The following MYO9A variants were observed in gnomAD, a reference collection of about 807,000 sequenced individuals.
The protein encoded by MYO9A is myosin IXA, also known as unconventional myosin-IXa.
A neutral mutation model predicts 293.3 loss-of-function variants in MYO9A; 103 were observed. The observed-to-expected ratio is 0.35, with a 90% CI of 0.30 to 0.41. The LOEUF (loss-of-function observed/expected upper bound fraction) is 0.41, where lower values mean the gene tolerates loss of function less well. Ranked by LOEUF, MYO9A falls within the 10% of genes least tolerant of loss-of-function variation. The probability of loss-of-function intolerance (pLI) is 1.00; values close to 1 mark genes in which losing one functional copy is unlikely to be tolerated. For synonymous variants in MYO9A, 1,001 were observed against 1,035.7 expected, an observed-to-expected ratio of 0.97 and a Z score of 0.64; for missense variants, 2,685 against 3,033.0, an observed-to-expected ratio of 0.89 and a Z score of 2.69.
chr15:71,847,536 GAGA>G (rs2055440735), intron 39 of MYO9A: 9 of 413,902 alleles, frequency 2.2e-5, no homozygotes, highest in South Asian at 1.3e-4. Context: ...CTCATTAAAA[GAGA>G]AGGTTTAATC....
At chr15:72,027,009 A>C (rs2077694425) in intron 4 of MYO9A, among the ~76,000 whole-genome samples, 1 of 152,208 alleles carries the variant, frequency 6.6e-6, no homozygotes. Context: ...ATTCTACCAA[A>C]TGTTTAAAGA....
chr15:71,853,091 C>CTGAATGAATGAATGAATGAATGAA (rs71131711), intron 35 of MYO9A, among the ~76,000 whole-genome samples: 8 of 151,488 alleles, frequency 5.3e-5, no homozygotes, highest in Admixed American at 3.3e-4. Context: ...AAGACTGTCT[C>CTGAATGAATGAATGAATGAATGAA]TGAATGAATG....
intron 39 of MYO9A, among the ~76,000 whole-genome samples, chr15:71,838,994 A>G (rs2055043983): frequency 6.6e-6 from 1 of 152,220 alleles, no homozygotes; most frequent in Non-Finnish European, 1.5e-5. Context: ...CCCTGACTTA[A>G]TAAGAGATCT....
rs1457114929 is a variant in MYO9A at position 71,873,086 on chromosome 15, T to C, written c.5979+2705A>G. 3.3e-5 allele frequency among the ~76,000 whole-genome samples: 5 copies of C among 152,102 alleles called. No homozygotes were observed. In the East Asian group the frequency reaches 7.7e-4, roughly 24 times the overall value. ...CATCACCACACCTGGCTAATTTTTTTTTGTATTTTTAGTAGAGATGGGGTT... is the reference window on the plus strand; with the variant it reads ...CATCACCACACCTGGCTAATTTTTTCTTGTATTTTTAGTAGAGATGGGGTT... On this transcript the variant is annotated intron_variant, in intron 32 of 41. Transcript: ENST00000356056.
chr15:71,877,373 A>C (rs1414956137), intron 31 of MYO9A, among the ~76,000 whole-genome samples: 2 of 152,194 alleles, frequency 1.3e-5, no homozygotes, highest in Non-Finnish European at 2.9e-5. Context: ...GAATAAATAT[A>C]ATTTGTAGGT....
chr15:71,918,676 T>C (rs1489417691), intron 18 of MYO9A, among the ~76,000 whole-genome samples: 1 of 152,240 alleles, frequency 6.6e-6, no homozygotes, highest in African/African-American at 2.4e-5. Context: ...GTTACCCTTA[T>C]GTGAAAACAA....
chr15:71,893,853 C>G (rs1180956720), intron 25 of MYO9A, 75 bp from the exon 26 acceptor site: 2 of 1,135,042 alleles, frequency 1.8e-6, no homozygotes, highest in African/African-American at 1.6e-5. Flanking sequence ...AGACTTCCAG[C>G]AAATTCCATA....
chr15:71,852,462 C>T (rs749498335), intron 35 of MYO9A: 1 of 337,972 alleles, frequency 3.0e-6, no homozygotes, highest in Non-Finnish European at 5.2e-6. Context: ...CTCCCGAGTT[C>T]AAGTGATTCT....
chr15:71,903,754 T>C (rs1421005823), intron 21 of MYO9A, among the ~76,000 whole-genome samples, 175 bp downstream of exon 21: 1 of 152,218 alleles, frequency 6.6e-6, no homozygotes, highest in East Asian at 1.9e-4. Flanking sequence ...ATGAGATTGC[T>C]GCCATTCAAT....
chr15:71,893,992 T>G (rs1267569796), intron 25 of MYO9A, among the ~76,000 whole-genome samples: 1 of 152,168 alleles, frequency 6.6e-6, no homozygotes, highest in African/African-American at 2.4e-5. Flanking sequence ...TGATGATCAG[T>G]GGGTATATTC....
chr15:71,988,313 T>G (rs2076454711), intron 11 of MYO9A, among the ~76,000 whole-genome samples: 1 of 152,214 alleles, frequency 6.6e-6, no homozygotes. Flanking sequence ...CCAGCTTAGC[T>G]TTTGATTAAA....
intron 1 of MYO9A, among the ~76,000 whole-genome samples, chr15:72,116,361 T>G (rs912240971): frequency 6.6e-6 from 1 of 152,250 alleles, no homozygotes; most frequent in African/African-American, 2.4e-5. Context: ...AATTACGTAC[T>G]GATCATTTGA....
intron 15 of MYO9A, among the ~76,000 whole-genome samples, chr15:71,943,587 A>G (rs1039579764): frequency 1.1e-4 from 16 of 152,100 alleles, no homozygotes; most frequent in African/African-American, 3.9e-4. Flanking sequence ...GTACAGTTAA[A>G]TAAGTTTTGC....
chr15:71,897,222 A>G (rs2057356398), intron 25 of MYO9A: 1 of 486,542 alleles, frequency 2.1e-6, no homozygotes, highest in Non-Finnish European at 3.6e-6. Flanking sequence ...AATGCTTCTC[A>G]CTTAATGGGG....
intron 18 of MYO9A, among the ~76,000 whole-genome samples, chr15:71,923,905 T>A (rs1179464213): frequency 3.9e-5 from 6 of 152,148 alleles, no homozygotes; most frequent in Non-Finnish European, 8.8e-5. Flanking sequence ...TTGTTCTCAT[T>A]TTTCCTAGTT....
At chr15:71,935,259 C>T in intron 17 of MYO9A, 82 bp downstream of exon 17, 1 of 1,382,034 alleles carries the variant, frequency 7.2e-7, no homozygotes, top group African/African-American at 1.4e-5. Context: ...CATCTTCCTT[C>T]TTCATTTTTT....
chr15:71,839,230 G>A (rs1006347881), intron 39 of MYO9A, among the ~76,000 whole-genome samples: 9 of 152,066 alleles, frequency 5.9e-5, no homozygotes, highest in African/African-American at 1.7e-4. Flanking sequence ...GCTCCTTCCC[G>A]ATTGCCCTTT....
In MYO9A at chr15:71,928,039, TATATATATATATATATA is replaced by T. The variant is rs1279109723; in HGVS notation, c.2562+5614_2562+5630del. ...ACAATACCTTTCTAATATATATATA[TATATATATATATATATA>T]TTTTTTTTTTTTTTTTTTTTTTTTT... On this transcript the variant is annotated intron_variant, in intron 18 of 41. Coordinates refer to ENST00000356056, the MANE Select transcript of MYO9A (RefSeq NM_006901.4). Among the ~76,000 whole-genome samples the T allele has an allele frequency of 1.1e-3, 11 of 9,662 alleles. 1 individual carries two copies. Among genetic ancestry groups the T allele is most frequent in the Non-Finnish European group, 5.8e-3 (10 of 1,732 alleles). 6.3% of individuals were successfully genotyped at this position (9,662 alleles called of 152,430 possible).
At chr15:71,940,498 G>C (rs2058746595) in intron 15 of MYO9A, among the ~76,000 whole-genome samples, 1 of 151,932 alleles carries the variant, frequency 6.6e-6, no homozygotes, top group Non-Finnish European at 1.5e-5. Context: ...TCTTGGAGCG[G>C]GGACGGGGTT....
Sources: gnomAD v4.1 joint callset for allele counts (sites outside exome capture counted in the v4.1 genomes callset) on GRCh38, gnomAD v4.1.1 for gene constraint, MANE v1.5 for transcripts, NCBI Gene and HGNC (gene_info 2026-07-23, HGNC 2026-07-21) for gene names.